ZRSR2: variants seen among roughly 807,000 people sequenced by gnomAD.
The protein encoded by ZRSR2 is U2 small nuclear ribonucleoprotein auxiliary factor 35 kDa subunit-related protein 2.
A neutral mutation model predicts 39.4 loss-of-function variants in ZRSR2; 3 were observed. That is an observed-to-expected ratio of 0.08 (90% CI 0.03 to 0.20). The LOEUF (loss-of-function observed/expected upper bound fraction) is 0.20, where lower values mean the gene tolerates loss of function less well. Among genes scored for constraint, ZRSR2 ranks in the 10% least tolerant of loss-of-function variants. The pLI, the probability that ZRSR2 is intolerant of heterozygous loss-of-function variation, is 1.00. For missense variants in ZRSR2, 256 were observed against 391.5 expected (o/e 0.65, Z 2.92); for synonymous variants, 137 against 136.0 (o/e 1.01, Z -0.05).
intron 4 of ZRSR2, 81 bp from the exon 5 acceptor site, chrX:15,804,030 A>C (rs1932753534): frequency 2.3e-5 from 24 of 1,065,981 alleles, no homozygotes; most frequent in Non-Finnish European, 2.7e-5. Context: ...CAGTGTTTTA[A>C]GTTTTTCATC....
Position 15,823,091 on chromosome X carries a change from G to A in ZRSR2, c.1298G>A (p.Arg433His), listed in dbSNP as rs1933158346. 1.7e-6 allele frequency: 2 copies of A among 1,207,676 alleles called. No homozygotes were observed. Among genetic ancestry groups the A allele is most frequent in the Non-Finnish European group, 1.1e-6 (1 of 893,377 alleles). ...AGAAATAGGGACCGCAGCAGGGACC[G>A]CAGCCGGGGCCGGGGCAGCCGGAGC... Reference protein sequence around the residue: ...RGRNRDRSRDRSRGRGSRSRS... With the variant: ...RGRNRDRSRDHSRGRGSRSRS... The change falls in exon 11 of 11, where the codon CGC becomes CAC. Residue 433 changes from arginine to histidine, a missense_variant. Around this residue, in one of 3 missense-constraint regions of ZRSR2, gnomAD observed 111 missense variants for 116.7 expected, o/e 0.95. Coordinates refer to ENST00000307771, the MANE Select transcript of ZRSR2 (RefSeq NM_005089.4).
chrX:15,811,986 G>C (rs1932891083), intron 7 of ZRSR2, among the ~76,000 whole-genome samples: 1 of 111,564 alleles, frequency 9.0e-6, no homozygotes, highest in Non-Finnish European at 1.9e-5. Context: ...CTGGAGTGCA[G>C]TGGCACGATC....
At position 15,808,236 on chromosome X, in the gene ZRSR2, G is replaced by A. The variant is rs1932828940; in HGVS notation, c.403G>A (p.Ala135Thr). 1 of 1,208,508 alleles carries A rather than the reference G, an allele frequency of 8.3e-7. No homozygotes were observed. Among genetic ancestry groups the A allele is most frequent in the Non-Finnish European group, 1.1e-6 (1 of 893,762 alleles). The change falls in exon 6 of 11, where the codon GCT (alanine) becomes ACT (threonine). Residue 135 changes from alanine (A) to threonine (T), a missense_variant. This residue lies in a region of ZRSR2 where 87 missense variants were observed against 111.7 expected (regional missense o/e 0.78). Coordinates refer to ENST00000307771, the MANE Select transcript of ZRSR2 (RefSeq NM_005089.4). ...KRQEKKEKEE[A>T]LQKMLDQAEN... is the part of the protein sequence containing the mutation. The stretch of plus-strand genomic sequence containing the variant: ...TCCTGTGTTTGCACCATTTTAGGAA[G>A]CTTTGCAGAAGATGCTGGATCAGGC...
intron 7 of ZRSR2, among the ~76,000 whole-genome samples, chrX:15,810,799 T>C (rs1932868320): frequency 9.3e-6 from 1 of 107,069 alleles, no homozygotes; most frequent in Non-Finnish European, 1.9e-5. Context: ...GGCAGATCAC[T>C]TGAGCTCAGG....
At chrX:15,818,074 G>A (rs1176870784) in intron 8 of ZRSR2, among the ~76,000 whole-genome samples, 7 of 111,925 alleles carry the variant, frequency 6.3e-5, no homozygotes, top group Non-Finnish European at 1.3e-4. Flanking sequence ...TGCATATGAT[G>A]TATGTATATA....
intron 5 of ZRSR2, among the ~76,000 whole-genome samples, chrX:15,804,462 TG>T (rs1438652180): frequency 9.0e-6 from 1 of 111,562 alleles, no homozygotes; most frequent in Non-Finnish European, 1.9e-5. Context: ...AAGGGCCAGA[TG>T]GTAAATATTT....
intron 6 of ZRSR2, 88 bp downstream of exon 6, chrX:15,808,359 G>A: frequency 1.2e-6 from 1 of 866,029 alleles, no homozygotes; most frequent in Non-Finnish European, 1.7e-6. Flanking sequence ...TTCGTGGTAG[G>A]TTAGTTAGAT....
intron 3 of ZRSR2, among the ~76,000 whole-genome samples, chrX:15,803,028 C>T (rs1932720308): frequency 9.2e-6 from 1 of 108,615 alleles, no homozygotes; most frequent in African/African-American, 3.4e-5. Flanking sequence ...TTTGGGAGGC[C>T]GAGGCAGGTG....
In ZRSR2 at chrX:15,799,867, C is replaced by T; in HGVS notation, c.122-5C>T. 2.6e-6 allele frequency: 3 copies of T among 1,176,080 alleles called. No homozygotes were observed. The highest frequency in any genetic ancestry group is 3.5e-6 in the Non-Finnish European group (3 of 868,821). ...TCAGTTTAATAAAACATTTAAATTC[C>T]CTAGGACTCTCACAGAAGGAGGAAG... On this transcript the variant is annotated splice_region_variant and splice_polypyrimidine_tract_variant and intron_variant, in intron 2 of 10. Coordinates refer to ENST00000307771, the MANE Select transcript of ZRSR2 (RefSeq NM_005089.4).
In ZRSR2 at chrX:15,799,952, A is replaced by C; in HGVS notation, c.202A>C (p.Arg68=). 2 of 1,177,551 alleles carry C rather than the reference A, an allele frequency of 1.7e-6. No homozygotes were observed. Among genetic ancestry groups the C allele is most frequent in the Non-Finnish European group, 2.3e-6 (2 of 872,231 alleles). Residue 68 remains arginine, a splice_region_variant and synonymous_variant, in exon 3 of 11, where the codon AGG becomes CGG. Coordinates refer to ENST00000307771, the MANE Select transcript of ZRSR2 (RefSeq NM_005089.4). The stretch of plus-strand genomic sequence containing the variant: ...AGAAGAGAAGCTATTGGAAAGAGAG[A>C]GGTCAGTGCTAATTGAAACACTTAA... ...LEEEKLLERE[R]QRLHEEWLLR... is the part of the protein sequence containing the mutation.
intron 5 of ZRSR2, among the ~76,000 whole-genome samples, chrX:15,806,383 ACT>A (rs1324283494): frequency 9.1e-6 from 1 of 110,420 alleles, no homozygotes; most frequent in Non-Finnish European, 1.9e-5. Context: ...GCAGGGAATG[ACT>A]CTGTCTCATT....
intron 2 of ZRSR2, among the ~76,000 whole-genome samples, chrX:15,793,862 A>G (rs1932362170): frequency 8.9e-6 from 1 of 112,357 alleles, no homozygotes; most frequent in South Asian, 3.6e-4. Context: ...TTATTGTAGC[A>G]CACGTTAGAT....
chrX:15,806,438 T>A (rs1041394490), intron 5 of ZRSR2, among the ~76,000 whole-genome samples: 7 of 110,793 alleles, frequency 6.3e-5, no homozygotes, highest in Admixed American at 9.6e-5. Context: ...AAAAAAAAAA[T>A]TTTTTTGAGA....
chrX:15,797,081 A>G (rs748967365), intron 2 of ZRSR2, among the ~76,000 whole-genome samples: 29 of 110,376 alleles, frequency 2.6e-4, no homozygotes, highest in African/African-American at 9.2e-4. Context: ...GGCATGAGCC[A>G]CCGCTCCCTG....
At chrX:15,802,199 A>G (rs1386062592) in intron 3 of ZRSR2, among the ~76,000 whole-genome samples, 1 of 112,360 alleles carries the variant, frequency 8.9e-6, no homozygotes, top group Non-Finnish European at 1.9e-5. Context: ...CCCAGACTAG[A>G]CATAAAACTT....
At chrX:15,797,088 C>T (rs773459369) in intron 2 of ZRSR2, among the ~76,000 whole-genome samples, 7 of 110,327 alleles carry the variant, frequency 6.3e-5, no homozygotes, top group Non-Finnish European at 9.5e-5. Context: ...GCCACCGCTC[C>T]CTGGCCTGTT....
chrX:15,801,360 C>T, intron 3 of ZRSR2: 2 of 289,174 alleles, frequency 6.9e-6, no homozygotes, highest in Non-Finnish European at 6.7e-6. Context: ...TCCCGAGTAG[C>T]CGGGATTACA....
intron 7 of ZRSR2, among the ~76,000 whole-genome samples, chrX:15,809,953 C>T (rs1932854762): frequency 8.9e-6 from 1 of 112,231 alleles, no homozygotes; most frequent in African/African-American, 3.2e-5. Flanking sequence ...GGGTTCAAAA[C>T]GGGCTTCAGT....
chrX:15,822,946 C>G lies in ZRSR2; in HGVS notation c.1153C>G (p.Pro385Ala), dbSNP rs769228839. 1 of 1,212,237 alleles carries G rather than the reference C, an allele frequency of 8.2e-7. No homozygotes were observed. The highest frequency in any genetic ancestry group is 2.2e-5 in the Admixed American group (1 of 46,101). The change falls in exon 11 of 11, where the codon CCA (proline) becomes GCA (alanine). Residue 385 changes from proline (P) to alanine (A), a missense_variant. Physicochemically the swap from Pro to Ala is conservative, Grantham distance 27 (BLOSUM62 -1). Around this residue, in one of 3 missense-constraint regions of ZRSR2, gnomAD observed 111 missense variants for 116.7 expected, o/e 0.95. Coordinates refer to ENST00000307771, the MANE Select transcript of ZRSR2 (RefSeq NM_005089.4). ...SRLRGRRNPS[P>A]DHSYKRNGES... ...GCTGCGGGGAAGGAGAAACCCTAGT[C>G]CAGACCACTCCTACAAAAGAAATGG...
Sources: allele counts gnomAD v4.1 joint callset (sites outside exome capture counted in the v4.1 genomes callset), GRCh38; gene constraint gnomAD v4.1.1; regional missense constraint gnomAD v4.1.1; transcripts MANE v1.5; gene names NCBI Gene and HGNC (gene_info 2026-07-23, HGNC 2026-07-21).